The following TMEM244 variants were observed in gnomAD, a reference collection of about 807,000 sequenced individuals.
The protein encoded by TMEM244 is putative transmembrane protein 244.
A neutral mutation model predicts 15.8 loss-of-function variants in TMEM244; 13 were observed. The observed-to-expected ratio is 0.82, with a 90% CI of 0.53 to 1.30. The LOEUF (loss-of-function observed/expected upper bound fraction) is 1.30, where lower values mean the gene tolerates loss of function less well. TMEM244 is among the 50% of genes most tolerant of loss of function. The probability of loss-of-function intolerance (pLI) is 0.00; values close to 1 mark genes in which losing one functional copy is unlikely to be tolerated. For synonymous variants in TMEM244, 45 were observed against 48.7 expected (o/e 0.92, Z 0.32); for missense variants, 161 against 144.9 (o/e 1.11, Z -0.57).
chr6:129,848,212 A>G (rs1776588196), intron 1 of TMEM244, among the ~76,000 whole-genome samples: 1 of 152,208 alleles, frequency 6.6e-6, no homozygotes, highest in African/African-American at 2.4e-5. Context: ...GATAGCTGAC[A>G]CAACATGATT....
intron 1 of TMEM244, among the ~76,000 whole-genome samples, chr6:129,853,050 C>T (rs1367232040): frequency 6.6e-6 from 1 of 152,184 alleles, no homozygotes; most frequent in African/African-American, 2.4e-5. Flanking sequence ...CTCTTCATTG[C>T]TTTCCTACTA....
chr6:129,846,156 C>T (rs1174378978), intron 1 of TMEM244, among the ~76,000 whole-genome samples: 1 of 152,114 alleles, frequency 6.6e-6, no homozygotes, highest in African/African-American at 2.4e-5. Flanking sequence ...TGATTGCTTT[C>T]ATTTCAATCC....
At chr6:129,849,015 T>C (rs996332547) in intron 1 of TMEM244, among the ~76,000 whole-genome samples, 9 of 152,088 alleles carry the variant, frequency 5.9e-5, no homozygotes, top group Non-Finnish European at 1.0e-4. Context: ...ATTTTCCTTG[T>C]ATAATCCAAA....
intron 1 of TMEM244, among the ~76,000 whole-genome samples, chr6:129,847,874 A>G (rs1776582013): frequency 6.7e-6 from 1 of 150,124 alleles, no homozygotes; most frequent in Admixed American, 6.7e-5. Flanking sequence ...TCCCGGGTTC[A>G]AGCGATTCTC....
At chr6:129,841,426 TG>T (rs545410355) in intron 3 of TMEM244, among the ~76,000 whole-genome samples, 1 of 46,508 alleles carries the variant, frequency 2.2e-5, no homozygotes, top group Non-Finnish European at 4.7e-5. Flanking sequence ...GGTCGGGGGG[TG>T]GGGGGCTGGG....
intron 1 of TMEM244, among the ~76,000 whole-genome samples, chr6:129,850,713 C>G (rs1341316659): frequency 6.6e-6 from 1 of 152,016 alleles, no homozygotes; most frequent in Non-Finnish European, 1.5e-5. Flanking sequence ...CACAATATAT[C>G]CAACATATTA....
chr6:129,840,969 G>A (rs965031690), intron 3 of TMEM244, among the ~76,000 whole-genome samples: 1 of 152,206 alleles, frequency 6.6e-6, no homozygotes, highest in Non-Finnish European at 1.5e-5. Context: ...CTTTTACACT[G>A]TTGGTGGGAG....
chr6:129,839,427 C>T (rs1776455022), intron 3 of TMEM244, among the ~76,000 whole-genome samples: 1 of 152,128 alleles, frequency 6.6e-6, no homozygotes, highest in Non-Finnish European at 1.5e-5. Context: ...TGGAACGCGT[C>T]TCAAAATAAA....
intron 2 of TMEM244, among the ~76,000 whole-genome samples, chr6:129,844,550 A>G (rs1776536908): frequency 6.6e-6 from 1 of 152,234 alleles, no homozygotes; most frequent in Non-Finnish European, 1.5e-5. Flanking sequence ...ACTTTATATT[A>G]TACCCAAGTT....
intron 2 of TMEM244, among the ~76,000 whole-genome samples, 197 bp downstream of exon 2, chr6:129,845,570 G>C (rs1212966680): frequency 6.6e-6 from 1 of 152,094 alleles, no homozygotes; most frequent in Non-Finnish European, 1.5e-5. Context: ...TTCAAGGCCA[G>C]GGATTCAAGA....
chr6:129,856,478 C>A (rs968282016), intron 1 of TMEM244, among the ~76,000 whole-genome samples: 1 of 152,066 alleles, frequency 6.6e-6, no homozygotes, highest in Non-Finnish European at 1.5e-5. Context: ...CATGCACACA[C>A]AGGAAACTAT....
Position 129,833,454 on chromosome 6 carries a change from G to A in TMEM244, c.319+6C>T. ...TTCCTTGTTTCTGTTATTTTATTCT[G>A]CTTACCAGTTGAAGTGATGGCAACA... is the stretch of plus-strand genomic sequence containing the variant. On this transcript the variant is annotated splice_donor_region_variant and intron_variant, in intron 4 of 4. Coordinates refer to ENST00000368143, the MANE Select transcript of TMEM244 (RefSeq NM_001010876.2). The A allele has an allele frequency of 6.2e-7, 1 of 1,608,582 alleles. No homozygotes were observed. The highest frequency in any genetic ancestry group is 8.5e-7 in the Non-Finnish European group (1 of 1,178,130).
intron 3 of TMEM244, among the ~76,000 whole-genome samples, chr6:129,843,239 T>C (rs1776515386): frequency 6.6e-6 from 1 of 152,180 alleles, no homozygotes; most frequent in South Asian, 2.1e-4. Context: ...GTCATTATTC[T>C]TCCTTTTCTT....
chr6:129,851,524 C>T (rs1266985586), intron 1 of TMEM244, among the ~76,000 whole-genome samples: 2 of 152,144 alleles, frequency 1.3e-5, no homozygotes, highest in African/African-American at 4.8e-5. Context: ...CCCGCCTTAG[C>T]CTCCCAAAGT....
chr6:129,831,713 T>A (rs774504758), intron 4 of TMEM244, among the ~76,000 whole-genome samples: 2 of 152,238 alleles, frequency 1.3e-5, no homozygotes, highest in Non-Finnish European at 2.9e-5. Flanking sequence ...CACTTCACTC[T>A]GAAGTCACTT....
intron 2 of TMEM244, among the ~76,000 whole-genome samples, chr6:129,845,554 G>T (rs9483065): frequency 1.1e-4 from 17 of 152,194 alleles, no homozygotes; most frequent in African/African-American, 4.1e-4. Context: ...CAAGGCAGGA[G>T]GATCATTCAA....
intron 1 of TMEM244, among the ~76,000 whole-genome samples, chr6:129,847,409 A>C (rs1776575269): frequency 6.6e-6 from 1 of 152,204 alleles, no homozygotes; most frequent in African/African-American, 2.4e-5. Flanking sequence ...ACATATTTTC[A>C]CTTGCCTAGG....
At chr6:129,835,259 C>T (rs1216654155) in intron 3 of TMEM244, among the ~76,000 whole-genome samples, 2 of 151,940 alleles carry the variant, frequency 1.3e-5, no homozygotes, top group African/African-American at 4.8e-5. Flanking sequence ...CTTAGCCTGG[C>T]ATAATAGTGT....
intron 2 of TMEM244, 97 bp from the exon 3 acceptor site, chr6:129,843,700 G>T: frequency 2.3e-6 from 2 of 870,750 alleles, no homozygotes; most frequent in Non-Finnish European, 3.6e-6. Context: ...ACAAGGATAA[G>T]CTATGCGATT....
Sources: gnomAD v4.1 joint callset for allele counts (sites outside exome capture counted in the v4.1 genomes callset) on GRCh38, gnomAD v4.1.1 for gene constraint, MANE v1.5 for transcripts, NCBI Gene and HGNC (gene_info 2026-07-23, HGNC 2026-07-21) for gene names.